Variants in MEIG1 observed in about 807,000 individuals in gnomAD.
The protein encoded by MEIG1 is meiosis expressed gene 1 protein homolog.
Under a neutral mutation model 11.3 loss-of-function variants are expected in MEIG1, and 12 were observed. That is an observed-to-expected ratio of 1.07 (90% CI 0.68 to 1.73). The LOEUF is 1.73. Among genes scored for constraint, MEIG1 ranks in the 40% most tolerant of loss-of-function variants. MEIG1 has a pLI of 0.00. For missense variants in MEIG1, 119 were observed against 104.9 expected, an observed-to-expected ratio of 1.13 and a Z score of -0.59; for synonymous variants, 41 against 33.2, an observed-to-expected ratio of 1.24 and a Z score of -0.81.
chr10:14,972,439 C>T, intron 2 of MEIG1, 74 bp from the exon 3 acceptor site: 1 of 1,583,418 alleles, frequency 6.3e-7, no homozygotes, highest in Non-Finnish European at 8.7e-7. Flanking sequence ...TACTTTTTAA[C>T]TATTTGATAG....
chr10:14,955,168 G>T (rs1842910069), upstream of MEIG1, among the ~76,000 whole-genome samples: 1 of 152,190 alleles, frequency 6.6e-6, no homozygotes, highest in Admixed American at 6.5e-5. Context: ...CTGGCCTCAT[G>T]CGATCCGCTC....
At chr10:14,972,290 CA>C (rs1338066970) in intron 2 of MEIG1, among the ~76,000 whole-genome samples, 3 of 152,174 alleles carry the variant, frequency 2.0e-5, no homozygotes, top group Non-Finnish European at 4.4e-5. Flanking sequence ...GCTGGGATTA[CA>C]GGCATGAGCT....
downstream of MEIG1, among the ~76,000 whole-genome samples, chr10:14,976,131 A>AG (rs1411891661): frequency 6.6e-6 from 1 of 151,970 alleles, no homozygotes; most frequent in Non-Finnish European, 1.5e-5. Context: ...AGGTGGGGAG[A>AG]GGGGGTTGAT....
chr10:14,980,221 A>G (rs576565020), intron 1 of MEIG1, among the ~76,000 whole-genome samples: 7 of 152,108 alleles, frequency 4.6e-5, no homozygotes, highest in Non-Finnish European at 7.4e-5. Flanking sequence ...TACTCCCACC[A>G]TACAAATTGT....
At chr10:14,966,387 T>A in intron 1 of MEIG1, 53 bp from the exon 2 acceptor site, 2 of 1,331,926 alleles carry the variant, frequency 1.5e-6, no homozygotes, top group Non-Finnish European at 2.0e-6. Flanking sequence ...TAAAGGGAAT[T>A]TCAAAATTGT....
intron 1 of MEIG1, among the ~76,000 whole-genome samples, chr10:14,959,910 CCA>C (rs1234028870): frequency 6.6e-6 from 1 of 152,196 alleles, no homozygotes; most frequent in Non-Finnish European, 1.5e-5. Context: ...ATTTCATCTC[CCA>C]CACAGTTAGT....
intron 1 of MEIG1, among the ~76,000 whole-genome samples, chr10:14,964,585 G>GTATATA (rs1240178960): frequency 1.1e-4 from 10 of 93,034 alleles, no homozygotes; most frequent in African/African-American, 3.9e-4. Flanking sequence ...GTGTGTGTGT[G>GTATATA]TATATATATA....
intron 1 of MEIG1, among the ~76,000 whole-genome samples, chr10:14,981,575 C>T (rs1381949095): frequency 6.6e-6 from 1 of 152,098 alleles, no homozygotes; most frequent in Non-Finnish European, 1.5e-5. Context: ...CCGGTATCTA[C>T]AGGAAAATCA....
intron 1 of MEIG1, chr10:14,986,681 C>G (rs1003469718): frequency 1.4e-4 from 40 of 278,210 alleles, no homozygotes; most frequent in Admixed American, 8.8e-4. Flanking sequence ...ACAATCCGGG[C>G]TCACTGCAAG....
At chr10:14,969,950 G>A (rs1409382640) in intron 2 of MEIG1, among the ~76,000 whole-genome samples, 1 of 152,152 alleles carries the variant, frequency 6.6e-6, no homozygotes, top group Non-Finnish European at 1.5e-5. Flanking sequence ...TACACAAATC[G>A]AAGTATATGT....
intron 1 of MEIG1, among the ~76,000 whole-genome samples, chr10:14,978,308 G>A (rs546363393): frequency 7.2e-5 from 11 of 152,036 alleles, no homozygotes; most frequent in East Asian, 3.9e-4. Context: ...GTATGAAAAC[G>A]TACTGTGATA....
At chr10:14,969,439 C>A (rs1481157779) in intron 2 of MEIG1, among the ~76,000 whole-genome samples, 7 of 148,466 alleles carry the variant, frequency 4.7e-5, no homozygotes, top group Admixed American at 4.0e-4. Flanking sequence ...GAGAGCAAGA[C>A]CCTGTCTCAA....
chr10:14,987,015 G>A (rs1589217221), intron 2 of MEIG1: 6 of 643,176 alleles, frequency 9.3e-6, no homozygotes, highest in Non-Finnish European at 1.6e-5. Context: ...AGACACAGAG[G>A]TGAGGATTCA....
At chr10:14,964,880 C>G (rs915399745) in intron 1 of MEIG1, among the ~76,000 whole-genome samples, 1 of 151,616 alleles carries the variant, frequency 6.6e-6, no homozygotes, top group Non-Finnish European at 1.5e-5. Flanking sequence ...CTCCACCTCC[C>G]AGGTTCAAGT....
At chr10:14,962,851 A>G (rs1210294268) in intron 1 of MEIG1, among the ~76,000 whole-genome samples, 4 of 149,096 alleles carry the variant, frequency 2.7e-5, no homozygotes, top group African/African-American at 7.5e-5. Flanking sequence ...TGCAACCTCC[A>G]TCTCCCAGGT....
At position 14,963,511 on chromosome 10, in the gene MEIG1, C is replaced by CTCACCTCTTTG. The variant is rs200545023; in HGVS notation, c.-29-2925_-29-2915dup. ...TTCTTAGGCTGTATCACATGTCCAA[C>CTCACCTCTTTG]TCACCTCTTTGTCATAGCTGGTATA... On this transcript the variant is annotated intron_variant, in intron 1 of 2. Transcript: ENST00000407572. Among the ~76,000 whole-genome samples the CTCACCTCTTTG allele has an allele frequency of 7.6e-3, 1,159 of 152,276 alleles. 18 individuals are homozygous for CTCACCTCTTTG. The highest frequency in any genetic ancestry group is 0.026 in the African/African-American group (1,089 of 41,544).
chr10:14,982,662 C>A (rs957855830), intron 1 of MEIG1, among the ~76,000 whole-genome samples: 4 of 152,082 alleles, frequency 2.6e-5, no homozygotes, highest in African/African-American at 9.7e-5. Flanking sequence ...GCATTTGGAT[C>A]CCCGTTTTGG....
intron 1 of MEIG1, among the ~76,000 whole-genome samples, chr10:14,980,882 G>C (rs376195471): frequency 5.4e-4 from 82 of 152,250 alleles, no homozygotes; most frequent in African/African-American, 1.6e-3. Context: ...AGCAGGTGAA[G>C]CAGCTGTCCT....
intron 1 of MEIG1, among the ~76,000 whole-genome samples, chr10:14,962,835 G>A (rs1843030636): frequency 6.6e-6 from 1 of 151,748 alleles, no homozygotes; most frequent in Non-Finnish European, 1.5e-5. Flanking sequence ...CACCATCTCG[G>A]CTCACTGCAA....
Sources: allele counts gnomAD v4.1 joint callset (sites outside exome capture counted in the v4.1 genomes callset), GRCh38; gene constraint gnomAD v4.1.1; transcripts MANE v1.5; gene names NCBI Gene and HGNC (gene_info 2026-07-23, HGNC 2026-07-21).